Variants in ARHGAP22 observed in about 807,000 individuals in gnomAD.
The protein encoded by ARHGAP22 is Rho GTPase activating protein 22.
A neutral mutation model predicts 59.1 loss-of-function variants in ARHGAP22; 48 were observed. The ratio of observed to expected loss-of-function variants is 0.81; its 90% CI spans 0.64 to 1.03. The LOEUF is 1.03. ARHGAP22 is among the 50% of genes least tolerant of loss of function. The probability of loss-of-function intolerance (pLI) is 0.00; values close to 1 mark genes in which losing one functional copy is unlikely to be tolerated. For missense variants in ARHGAP22, 1,015 were observed against 958.7 expected, an observed-to-expected ratio of 1.06 and a Z score of -0.78; for synonymous variants, 445 against 416.4, an observed-to-expected ratio of 1.07 and a Z score of -0.84.
chr10:48,539,755 A>G (rs1360163083), intron 3 of ARHGAP22, among the ~76,000 whole-genome samples: 3 of 152,194 alleles, frequency 2.0e-5, no homozygotes, highest in Middle Eastern at 3.2e-3. Flanking sequence ...TATTTTAGCA[A>G]TGTAGGGAAT....
At position 48,584,380 on chromosome 10, in the gene ARHGAP22, C is replaced by T. The variant is rs576725770; in HGVS notation, c.35-1228G>A. On this transcript the variant is annotated intron_variant, in intron 1 of 9. Transcript: ENST00000249601. ...ACCCTGGCATTAGCTGCATGGTGAG[C>T]TCCTATATATCCTTCAAGAGCCAAC... Among the ~76,000 whole-genome samples, 3 of 152,310 alleles carry T rather than the reference C, an allele frequency of 2.0e-5. No individual in the cohort carries two copies. The South Asian group carries it at 6.2e-4, about 32-fold the overall frequency.
intron 9 of ARHGAP22, 98 bp downstream of exon 9, chr10:48,450,163 C>T: frequency 2.1e-6 from 3 of 1,460,196 alleles, no homozygotes; most frequent in Admixed American, 2.4e-5. Flanking sequence ...CCAGGGCCAG[C>T]GGCCCAGAGG....
intron 2 of ARHGAP22, among the ~76,000 whole-genome samples, chr10:48,570,226 A>G (rs2058311383): frequency 6.6e-6 from 1 of 152,248 alleles, no homozygotes. Flanking sequence ...AGCTGCAAAA[A>G]TACAGCATCC....
chr10:48,505,993 G>A (rs549743244), intron 3 of ARHGAP22, among the ~76,000 whole-genome samples: 1 of 152,296 alleles, frequency 6.6e-6, no homozygotes, highest in Non-Finnish European at 1.5e-5. Flanking sequence ...ATAGGCATGT[G>A]AGAAACTTCC....
chr10:48,502,612 G>C (rs7093185), intron 3 of ARHGAP22, among the ~76,000 whole-genome samples: 35,678 of 152,056 alleles, frequency 0.23, 7,295 homozygotes, highest in East Asian at 0.59. Context: ...GCCTCCAGGT[G>C]TTTGCACATG....
intron 3 of ARHGAP22, chr10:48,493,785 A>T (rs1181888658): frequency 3.2e-6 from 2 of 622,024 alleles, no homozygotes; most frequent in East Asian, 7.1e-5. Context: ...TGTGCCTGCC[A>T]CCCTGTGCAC....
chr10:48,624,146 G>A (rs1008016648), intron 1 of ARHGAP22: 3 of 152,354 alleles, frequency 2.0e-5, no homozygotes, highest in African/African-American at 7.2e-5. Context: ...ATCATCAAAA[G>A]AGAGGGCCTA....
intron 3 of ARHGAP22, among the ~76,000 whole-genome samples, chr10:48,509,023 C>T (rs1351719419): frequency 6.6e-6 from 1 of 152,218 alleles, no homozygotes; most frequent in African/African-American, 2.4e-5. Flanking sequence ...AGAGAATGCC[C>T]GCGGCTCTGA....
chr10:48,485,332 T>C (rs1411191351), intron 3 of ARHGAP22, among the ~76,000 whole-genome samples: 1 of 152,224 alleles, frequency 6.6e-6, no homozygotes, highest in Non-Finnish European at 1.5e-5. Flanking sequence ...TCAAAATACC[T>C]TCTAGTTTCC....
chr10:48,488,062 T>C (rs1316184747), intron 3 of ARHGAP22, among the ~76,000 whole-genome samples: 1 of 152,132 alleles, frequency 6.6e-6, no homozygotes, highest in Non-Finnish European at 1.5e-5. Context: ...AATAAATAAA[T>C]AAATAGTAAA....
At position 48,523,955 on chromosome 10, in the gene ARHGAP22, G is replaced by A. The variant is rs1223836507; in HGVS notation, c.322+31508C>T. ...CCCTTTCCAAAGCTGAGGCAGGTGC[G>A]GGCGGCCCTGGACACCCCGTGGCGA... On this transcript the variant is annotated intron_variant, in intron 3 of 9. Transcript: ENST00000249601. 5.6e-6 allele frequency: 6 copies of A among 1,079,460 alleles called. 1 individual carries two copies. In the South Asian group the frequency reaches 6.1e-5, roughly 11 times the overall value. The allele number at this position is 1,079,460 out of a possible 1,614,324, so 66.9% of individuals were successfully genotyped here.
chr10:48,594,564 C>G (rs539990285), intron 1 of ARHGAP22, among the ~76,000 whole-genome samples: 6 of 152,268 alleles, frequency 3.9e-5, no homozygotes, highest in African/African-American at 1.4e-4. Context: ...CCTCCCCACC[C>G]CCAAATGTGC....
chr10:48,567,366 G>A (rs942444017), intron 2 of ARHGAP22, among the ~76,000 whole-genome samples: 1 of 152,126 alleles, frequency 6.6e-6, no homozygotes, highest in Non-Finnish European at 1.5e-5. Flanking sequence ...TGCCACGTTG[G>A]GAAGAGTCAC....
intron 3 of ARHGAP22, among the ~76,000 whole-genome samples, chr10:48,489,809 C>A (rs2050199954): frequency 6.7e-6 from 1 of 150,056 alleles, no homozygotes; most frequent in Admixed American, 6.7e-5. Context: ...TCTTGGCTCA[C>A]TGCAAGCTCC....
chr10:48,446,494 T>G lies in ARHGAP22; in HGVS notation c.1994A>C (p.Asp665Ala). 6.2e-7 allele frequency: 1 copy of G among 1,614,210 alleles called. No homozygotes were observed. Residue 665 changes from aspartate to alanine, a missense_variant, in exon 10 of 10, where the codon GAT (aspartate) becomes GCT (alanine). Asp to Ala is a moderately radical substitution (Grantham distance 126). Transcript: ENST00000249601. ...KLRNSERARE[D>A]AERRNQLLQR... Reference sequence around the variant, plus strand: ...CAACAGCTGGTTCCTCCTCTCCGCATCCTCCCGCGCCCGTTCAGAGTTCCG... The same window carrying G: ...CAACAGCTGGTTCCTCCTCTCCGCAGCCTCCCGCGCCCGTTCAGAGTTCCG...
chr10:48,503,647 C>A (rs1250130010), intron 3 of ARHGAP22, among the ~76,000 whole-genome samples: 1 of 152,240 alleles, frequency 6.6e-6, no homozygotes, highest in Non-Finnish European at 1.5e-5. Flanking sequence ...CGGGAGAAGC[C>A]CAGGCCACTG....
chr10:48,452,600 G>A (rs190337815), intron 8 of ARHGAP22, among the ~76,000 whole-genome samples: 8 of 152,328 alleles, frequency 5.3e-5, no homozygotes, highest in Non-Finnish European at 7.3e-5. Flanking sequence ...TGAGCAGCAC[G>A]TCTCTCATGC....
At chr10:48,484,828 T>C (rs2049695515) in intron 3 of ARHGAP22, among the ~76,000 whole-genome samples, 1 of 151,994 alleles carries the variant, frequency 6.6e-6, no homozygotes, top group Non-Finnish European at 1.5e-5. Context: ...CACCCTGATA[T>C]TGGTAATTTC....
downstream of ARHGAP22, among the ~76,000 whole-genome samples, chr10:48,441,988 C>A (rs923391992): frequency 1.3e-5 from 2 of 152,192 alleles, no homozygotes; most frequent in African/African-American, 4.8e-5. Context: ...TAATGCCTGG[C>A]AAGTAGGTGT....
Sources: gnomAD v4.1 joint callset for allele counts (sites outside exome capture counted in the v4.1 genomes callset) on GRCh38, gnomAD v4.1.1 for gene constraint, MANE v1.5 for transcripts, NCBI Gene and HGNC (gene_info 2026-07-23, HGNC 2026-07-21) for gene names.